TCF12: variants seen among roughly 807,000 people sequenced by gnomAD.
The protein encoded by TCF12 is transcription factor 12.
Under a neutral mutation model 86.0 loss-of-function variants are expected in TCF12, and 45 were observed. The observed-to-expected ratio is 0.52, with a 90% CI of 0.41 to 0.67. The LOEUF (loss-of-function observed/expected upper bound fraction) is 0.67, where lower values mean the gene tolerates loss of function less well. Among genes scored for constraint, TCF12 ranks in the 30% least tolerant of loss-of-function variants. TCF12 has a pLI of 0.00. For synonymous variants in TCF12, 330 were observed against 299.6 expected, an observed-to-expected ratio of 1.10 and a Z score of -1.05; for missense variants, 881 against 859.9, an observed-to-expected ratio of 1.02 and a Z score of -0.31.
At position 57,093,564 on chromosome 15, in the gene TCF12, C is replaced by T. The variant is rs1038440641; in HGVS notation, c.325+1673C>T. ...CCAAGGTGACGATTAAAATTTTGTACGGGACAAGTGTGGAAATTAAATGAA... is the reference window on the plus strand; with the variant it reads ...CCAAGGTGACGATTAAAATTTTGTATGGGACAAGTGTGGAAATTAAATGAA... On this transcript the variant is annotated intron_variant, in intron 5 of 20. Transcript: ENST00000333725. 1.5e-4 allele frequency among the ~76,000 whole-genome samples: 23 copies of T among 152,164 alleles called. No homozygotes were observed. The East Asian group carries it at 2.1e-3, about 14-fold the overall frequency.
At chr15:57,008,729 C>T (rs985611080) in intron 3 of TCF12, among the ~76,000 whole-genome samples, 1 of 152,170 alleles carries the variant, frequency 6.6e-6, no homozygotes, top group Non-Finnish European at 1.5e-5. Flanking sequence ...CATCCCACAG[C>T]TGTAGTGTCT....
intron 5 of TCF12, among the ~76,000 whole-genome samples, chr15:57,126,233 C>A (rs1232399861): frequency 6.6e-6 from 1 of 151,822 alleles, no homozygotes; most frequent in Non-Finnish European, 1.5e-5. Context: ...AGAGTGAGAC[C>A]CCATCTCAAA....
At chr15:57,206,252 C>T (rs1266066596) in intron 8 of TCF12, among the ~76,000 whole-genome samples, 1 of 152,192 alleles carries the variant, frequency 6.6e-6, no homozygotes, top group African/African-American at 2.4e-5. Context: ...CCTGTAATCC[C>T]AGTGCTTTGG....
At position 57,183,140 on chromosome 15, in the gene TCF12, T is replaced by G. The variant is rs550261088; in HGVS notation, c.391-9018T>G. On this transcript the variant is annotated intron_variant, in intron 6 of 20. Transcript: ENST00000333725. Reference sequence around the variant, plus strand: ...ATATTTTATTCTTCTTTGCTCCAACTTTTTATTTTGAAAAGTTACCAACCC... The same window carrying G: ...ATATTTTATTCTTCTTTGCTCCAACGTTTTATTTTGAAAAGTTACCAACCC... 1.2e-4 allele frequency among the ~76,000 whole-genome samples: 18 copies of G among 152,318 alleles called. No individual in the cohort carries two copies. The East Asian group carries it at 3.5e-3, about 29-fold the overall frequency.
At chr15:57,087,623 A>C (rs1161646525) in intron 4 of TCF12, among the ~76,000 whole-genome samples, 4 of 152,112 alleles carry the variant, frequency 2.6e-5, no homozygotes, top group African/African-American at 9.7e-5. Flanking sequence ...ATGAAGTATT[A>C]TGCATTCATA....
chr15:57,092,653 ATAATCTGTATGT>A (rs1426713097), intron 5 of TCF12, among the ~76,000 whole-genome samples: 1 of 152,156 alleles, frequency 6.6e-6, no homozygotes, highest in Non-Finnish European at 1.5e-5. Context: ...CTGATTGAAA[ATAATCTGTATGT>A]TTTATGATTT....
At chr15:56,949,974 A>G (rs1305187936) in intron 3 of TCF12, among the ~76,000 whole-genome samples, 2 of 152,222 alleles carry the variant, frequency 1.3e-5, no homozygotes, top group African/African-American at 2.4e-5. Flanking sequence ...TACAGTAGCC[A>G]TTAGCAATAT....
intron 5 of TCF12, among the ~76,000 whole-genome samples, chr15:57,100,910 G>A (rs1456189617): frequency 1.3e-5 from 2 of 152,068 alleles, no homozygotes; most frequent in Non-Finnish European, 2.9e-5. Context: ...ATTGTCTGAA[G>A]GTTTCCATTA....
chr15:56,965,904 A>G (rs754307183), intron 3 of TCF12, among the ~76,000 whole-genome samples: 1 of 152,188 alleles, frequency 6.6e-6, no homozygotes, highest in Non-Finnish European at 1.5e-5. Context: ...TTCTTGAAGA[A>G]GTAATATTTT....
At chr15:57,250,198 AATTC>A (rs1207016769) in intron 13 of TCF12, among the ~76,000 whole-genome samples, 2 of 152,214 alleles carry the variant, frequency 1.3e-5, no homozygotes, top group African/African-American at 4.8e-5. Context: ...AGTCATGGGA[AATTC>A]ATTCATCTGT....
In TCF12 at chr15:56,919,935, A is replaced by G; in HGVS notation, c.22A>G (p.Met8Val). 2 of 1,613,992 alleles carry G rather than the reference A, an allele frequency of 1.2e-6. No individual in the cohort carries two copies. Among genetic ancestry groups the G allele is most frequent in the African/African-American group, 1.3e-5 (1 of 75,012 alleles). The change falls in exon 2 of 21, where the codon ATG (methionine) becomes GTG (valine). Residue 8 changes from methionine (M) to valine (V), a missense_variant. This residue lies in a region of TCF12 where 766 missense variants were observed against 718.9 expected (regional missense o/e 1.07). Transcript: ENST00000333725. MNPQQQRMAAIGTDKELS... is the reference protein window; with the variant it reads MNPQQQRVAAIGTDKELS... ...GAAGATGAATCCCCAGCAACAACGC[A>G]TGGCCGCTATAGGGACCGACAAGGA...
At chr15:57,119,526 C>G (rs2051083888) in intron 5 of TCF12, among the ~76,000 whole-genome samples, 1 of 147,848 alleles carries the variant, frequency 6.8e-6, no homozygotes, top group Non-Finnish European at 1.5e-5. Context: ...ACTCCGTAGT[C>G]AAGTATAATT....
intron 5 of TCF12, among the ~76,000 whole-genome samples, chr15:57,147,049 C>G (rs796942760): frequency 3.3e-5 from 5 of 152,220 alleles, no homozygotes; most frequent in African/African-American, 1.2e-4. Flanking sequence ...AAACTTGGAG[C>G]TGGAGAATGG....
chr15:56,965,583 T>C (rs1419853363), intron 3 of TCF12, among the ~76,000 whole-genome samples: 2 of 152,180 alleles, frequency 1.3e-5, no homozygotes, highest in Non-Finnish European at 2.9e-5. Context: ...ATATTATATC[T>C]GGAAATGGTA....
chr15:57,058,297 G>T (rs1014836709), intron 3 of TCF12, among the ~76,000 whole-genome samples: 1 of 152,086 alleles, frequency 6.6e-6, no homozygotes, highest in Admixed American at 6.5e-5. Flanking sequence ...TTTTCCTTTT[G>T]TATCTTTACA....
chr15:57,067,533 C>A (rs1250467596), intron 4 of TCF12, among the ~76,000 whole-genome samples: 1 of 95,508 alleles, frequency 1.0e-5, no homozygotes, highest in Non-Finnish European at 2.0e-5. Context: ...AGCGAGACTC[C>A]GTCTCAAAAA....
intron 6 of TCF12, among the ~76,000 whole-genome samples, chr15:57,172,308 C>T (rs1334029717): frequency 2.0e-5 from 3 of 152,248 alleles, no homozygotes; most frequent in East Asian, 3.9e-4. Context: ...AAATTGAATA[C>T]TTCTGTCTTA....
intron 5 of TCF12, among the ~76,000 whole-genome samples, chr15:57,119,353 A>G (rs955256757): frequency 4.6e-5 from 7 of 150,888 alleles, no homozygotes; most frequent in African/African-American, 7.3e-5. Flanking sequence ...AGGGTCTCAC[A>G]TTGTGCCCAG....
intron 3 of TCF12, among the ~76,000 whole-genome samples, chr15:57,054,183 CCAGGGAGTA>C (rs531444277): frequency 8.7e-4 from 132 of 152,148 alleles, no homozygotes; most frequent in African/African-American, 3.1e-3. Flanking sequence ...AAGACTTGAA[CCAGGGAGTA>C]CATGGGCCTC....
Sources: gnomAD v4.1 joint callset for allele counts (sites outside exome capture counted in the v4.1 genomes callset) on GRCh38, gnomAD v4.1.1 for gene constraint, gnomAD v4.1.1 regional missense constraint, MANE v1.5 for transcripts, NCBI Gene and HGNC (gene_info 2026-07-23, HGNC 2026-07-21) for gene names.